MSANTD4: variants seen among roughly 807,000 people sequenced by gnomAD.
MSANTD4 encodes the protein myb/SANT-like DNA-binding domain-containing protein 4.
Under a neutral mutation model 34.3 loss-of-function variants are expected in MSANTD4, and 13 were observed. That is an observed-to-expected ratio of 0.38 (90% confidence interval 0.25 to 0.60). The LOEUF (loss-of-function observed/expected upper bound fraction) is 0.60, where lower values mean the gene tolerates loss of function less well. MSANTD4 is among the 20% of genes least tolerant of loss of function. The pLI is 0.63. For missense variants in MSANTD4, 358 were observed against 401.8 expected, an observed-to-expected ratio of 0.89 and a Z score of 0.93; for synonymous variants, 137 against 145.2, an observed-to-expected ratio of 0.94 and a Z score of 0.41.
intron 2 of MSANTD4, among the ~76,000 whole-genome samples, 166 bp from the exon 3 acceptor site, chr11:106,010,276 G>C (rs895259373): frequency 1.9e-4 from 29 of 151,968 alleles, no homozygotes; most frequent in African/African-American, 7.0e-4. Context: ...ATATAACCTA[G>C]GTAATTATAT....
At chr11:106,016,245 G>A (rs952651129) in intron 1 of MSANTD4, among the ~76,000 whole-genome samples, 1 of 152,062 alleles carries the variant, frequency 6.6e-6, no homozygotes, top group Non-Finnish European at 1.5e-5. Flanking sequence ...CAATAGCTTG[G>A]GCAAGCATTC....
intron 1 of MSANTD4, among the ~76,000 whole-genome samples, chr11:106,016,610 A>T (rs2134954604): frequency 6.6e-6 from 1 of 152,342 alleles, no homozygotes; most frequent in South Asian, 2.1e-4. Context: ...ACAGAAACTA[A>T]TTCAAGGAAA....
rs1039373872 is a variant in MSANTD4, at chr11:106,009,335, T to G, written c.*200A>C. ...TTATAAGGTAAAGAGTCCAGCACAG[T>G]AAGTTTCTGCTATACTGTTTACGCT... On this transcript the variant is annotated 3_prime_UTR_variant, in exon 3 of 3. Transcript: ENST00000301919. The G allele has an allele frequency of 1.6e-5, 9 of 547,334 alleles. No individual in the cohort carries two copies. In the South Asian group the frequency reaches 2.0e-4, roughly 12 times the overall value. 33.9% of individuals were successfully genotyped at this position (547,334 alleles called of 1,614,324 possible).
In MSANTD4 at chr11:106,010,434, G is replaced by T. The variant is rs766699959; in HGVS notation, c.462+22C>A. ...CATCAGAATTGAAAAGATTAAAAGA[G>T]GGTACAGAGGCTAATACTTACTTCA... On this transcript the variant is annotated intron_variant, in intron 2 of 2. Coordinates refer to ENST00000301919, the MANE Select transcript of MSANTD4 (RefSeq NM_032424.3). The T allele has an allele frequency of 7.0e-6, 11 of 1,574,978 alleles. No homozygotes were observed. In the South Asian group the frequency reaches 1.1e-4, roughly 15 times the overall value.
chr11:106,010,968 G>A lies in MSANTD4; in HGVS notation c.-51C>T. 1.3e-6 allele frequency: 2 copies of A among 1,516,488 alleles called. No individual in the cohort carries two copies. The allele number at this position is 1,516,488 out of a possible 1,614,324, so 93.9% of individuals were successfully genotyped here. A position where few individuals can be genotyped will look rare whatever the true frequency, so the allele number is the denominator to read the frequency against. ...GTAAGAGATGTGAAAACAATTTGAG[G>A]AATGCTGCAAAGCACAAAAACCAGG... On this transcript the variant is annotated 5_prime_UTR_variant, in exon 2 of 3. Coordinates refer to ENST00000301919, the MANE Select transcript of MSANTD4 (RefSeq NM_032424.3).
Position 106,009,995 on chromosome 11 carries a change from G to C in MSANTD4, c.578C>G (p.Pro193Arg). The C allele has an allele frequency of 6.2e-7, 1 of 1,608,390 alleles. No individual in the cohort carries two copies. Among genetic ancestry groups the C allele is most frequent in the Non-Finnish European group, 8.5e-7 (1 of 1,179,890 alleles). Residue 193 changes from proline to arginine, a missense_variant, in exon 3 of 3, where the codon CCA (proline) becomes CGA (arginine). Physicochemically the swap from Pro to Arg is moderately radical, Grantham distance 103. Around this residue, in one of 2 missense-constraint regions of MSANTD4, gnomAD observed 312 missense variants for 317.6 expected, o/e 0.98. Transcript: ENST00000301919. ...IDEFFTLNST[P>R]SRSAYDEPHL... The stretch of plus-strand genomic sequence containing the variant: ...AGGCTCATCATATGCAGATCTAGAT[G>C]GTGTTGAGTTAAGGGTAAAAAACTC...
intron 1 of MSANTD4, among the ~76,000 whole-genome samples, chr11:106,018,450 C>G (rs1229396427): frequency 1.3e-5 from 2 of 152,112 alleles, no homozygotes; most frequent in Non-Finnish European, 2.9e-5. Flanking sequence ...TTAAAACAAT[C>G]TTTGGAATGG....
In MSANTD4 at chr11:106,009,435, A is replaced by T; in HGVS notation, c.*100T>A. On this transcript the variant is annotated 3_prime_UTR_variant, in exon 3 of 3. Coordinates refer to ENST00000301919, the MANE Select transcript of MSANTD4 (RefSeq NM_032424.3). ...CTTTTTCCTACTGAACACTGACATT[A>T]GACAAGAAACCACAGCTAATCCAGC... is the stretch of plus-strand genomic sequence containing the variant. The T allele has an allele frequency of 8.6e-7, 1 of 1,165,336 alleles. No individual in the cohort carries two copies. The highest frequency in any genetic ancestry group is 1.2e-6 in the Non-Finnish European group (1 of 827,630). The allele number at this position is 1,165,336 out of a possible 1,614,324, so 72.2% of individuals were successfully genotyped here. A position where few individuals can be genotyped will look rare whatever the true frequency, so the allele number is the denominator to read the frequency against.
At chr11:106,019,288 A>G (rs951979767) in intron 1 of MSANTD4, among the ~76,000 whole-genome samples, 4 of 152,208 alleles carry the variant, frequency 2.6e-5, no homozygotes, top group African/African-American at 9.6e-5. Context: ...TAAGAGCCCT[A>G]TATGTAATTT....
In MSANTD4 at chr11:106,010,703, C is replaced by T; in HGVS notation, c.215G>A (p.Arg72Lys). 1 of 1,614,116 alleles carries T rather than the reference C, an allele frequency of 6.2e-7. No homozygotes were observed. Among genetic ancestry groups the T allele is most frequent in the Non-Finnish European group, 8.5e-7 (1 of 1,180,020 alleles). The change falls in exon 2 of 3, where the codon AGG (arginine) becomes AAG (lysine). Residue 72 changes from arginine to lysine, a missense_variant. Transcript: ENST00000301919. ...EQRTGTEVKR[R>K]YLDWRALMKR... ...CATAAGTGCTCGCCAGTCAAGGTAC[C>T]TTCTTTTCACCTCTGTCCCTGTCCT...
chr11:106,015,961 C>G (rs1362557621), intron 1 of MSANTD4, among the ~76,000 whole-genome samples: 3 of 152,084 alleles, frequency 2.0e-5, no homozygotes, highest in African/African-American at 7.2e-5. Flanking sequence ...ACTCCTGAGC[C>G]CCAGTGATCT....
intron 1 of MSANTD4, among the ~76,000 whole-genome samples, chr11:106,011,271 CAGTTGCCACT>C (rs1859681892): frequency 6.6e-6 from 1 of 152,204 alleles, no homozygotes; most frequent in East Asian, 1.9e-4. Flanking sequence ...GGTTCCTAAC[CAGTTGCCACT>C]ATTCATTCCT....
chr11:106,014,627 T>C (rs1477509102), intron 1 of MSANTD4, among the ~76,000 whole-genome samples: 6 of 152,258 alleles, frequency 3.9e-5, no homozygotes, highest in African/African-American at 1.4e-4. Flanking sequence ...GAAAAGTGGA[T>C]GCTAATACCT....
At chr11:106,014,707 CA>C (rs1422392698) in intron 1 of MSANTD4, among the ~76,000 whole-genome samples, 1 of 152,162 alleles carries the variant, frequency 6.6e-6, no homozygotes, top group African/African-American at 2.4e-5. Context: ...TTTTCCTTTT[CA>C]AGCTCTTGGT....
chr11:106,008,331 C>T lies in MSANTD4; in HGVS notation c.*1204G>A, dbSNP rs943223505. 1 of 152,308 alleles carries T rather than the reference C, an allele frequency of 6.6e-6. No individual in the cohort carries two copies. The highest frequency in any genetic ancestry group is 1.5e-5 in the Non-Finnish European group (1 of 68,024). 9.4% of individuals were successfully genotyped at this position (152,308 alleles called of 1,614,324 possible). A position where few individuals can be genotyped will look rare whatever the true frequency, so the allele number is the denominator to read the frequency against. On this transcript the variant is annotated 3_prime_UTR_variant, in exon 3 of 3. Transcript: ENST00000301919. ...AGGGAAGAGGGAAGGACAAAATATACTACAATATAGAAGATCAGCCATTTA... is the reference window on the plus strand; with the variant it reads ...AGGGAAGAGGGAAGGACAAAATATATTACAATATAGAAGATCAGCCATTTA...
Position 106,010,995 on chromosome 11 carries a change from A to G in MSANTD4, c.-78T>C. 1 of 1,465,578 alleles carries G rather than the reference A, an allele frequency of 6.8e-7. No homozygotes were observed. The highest frequency in any genetic ancestry group is 1.4e-5 in the South Asian group (1 of 69,250). The allele number at this position is 1,465,578 out of a possible 1,614,324, so 90.8% of individuals were successfully genotyped here. A position where few individuals can be genotyped will look rare whatever the true frequency, so the allele number is the denominator to read the frequency against. ...ATGCTGCAAAGCACAAAAACCAGGG[A>G]TAATTCTTTGCTGGCCCTTAGTTCA... On this transcript the variant is annotated 5_prime_UTR_variant, in exon 2 of 3. Coordinates refer to ENST00000301919, the MANE Select transcript of MSANTD4 (RefSeq NM_032424.3).
At position 106,008,416 on chromosome 11, in the gene MSANTD4, A is replaced by G. The variant is rs1859589897; in HGVS notation, c.*1119T>C. The G allele has an allele frequency of 6.6e-6, 1 of 152,204 alleles. No individual in the cohort carries two copies. Among genetic ancestry groups the G allele is most frequent in the Non-Finnish European group, 1.5e-5 (1 of 68,028 alleles). 9.4% of individuals were successfully genotyped at this position (152,204 alleles called of 1,614,324 possible). A position where few individuals can be genotyped will look rare whatever the true frequency, so the allele number is the denominator to read the frequency against. On this transcript the variant is annotated 3_prime_UTR_variant, in exon 3 of 3. Transcript: ENST00000301919. ...ATAACGACAGATACAACTCTCAAGA[A>G]TTGTTCTACATATTAGGTTAGATAG... is the stretch of plus-strand genomic sequence containing the variant.
At position 106,011,706 on chromosome 11, in the gene MSANTD4, C is replaced by T. The variant is rs566314272; in HGVS notation, c.-150-639G>A. On this transcript the variant is annotated intron_variant, in intron 1 of 2. Coordinates refer to ENST00000301919, the MANE Select transcript of MSANTD4 (RefSeq NM_032424.3). ...TGGCCATCACCTCCCCAGAGCCTAG[C>T]AGAGATTCTGGCACATGGCATGCAT... is the stretch of plus-strand genomic sequence containing the variant. Among the ~76,000 whole-genome samples the T allele has an allele frequency of 3.3e-5, 5 of 152,262 alleles. No individual in the cohort carries two copies. In the South Asian group the frequency reaches 1.0e-3, roughly 32 times the overall value.
At position 106,010,029 on chromosome 11, in the gene MSANTD4, G is replaced by T; in HGVS notation, c.544C>A (p.His182Asn). 6.2e-7 allele frequency: 1 copy of T among 1,601,662 alleles called. No homozygotes were observed. Among genetic ancestry groups the T allele is most frequent in the Non-Finnish European group, 8.5e-7 (1 of 1,179,560 alleles). The part of the protein sequence containing the change: ...RRENELPDFP[H>N]IDEFFTLNST... ...TTAAGGGTAAAAAACTCATCAATGT[G>T]GGGGAAATCGGGAAGTTCATTTTCT... The change falls in exon 3 of 3, where the codon CAC (histidine) becomes AAC (asparagine). Residue 182 changes from histidine (H) to asparagine (N), a missense_variant. Coordinates refer to ENST00000301919, the MANE Select transcript of MSANTD4 (RefSeq NM_032424.3).
Sources: allele counts gnomAD v4.1 joint callset (sites outside exome capture counted in the v4.1 genomes callset), GRCh38; gene constraint gnomAD v4.1.1; regional missense constraint gnomAD v4.1.1; transcripts MANE v1.5; gene names NCBI Gene and HGNC (gene_info 2026-07-23, HGNC 2026-07-21).